PPA1: variants seen among roughly 807,000 people sequenced by gnomAD.
The protein encoded by PPA1 is inorganic pyrophosphatase 1.
In PPA1, 23 loss-of-function variants were observed where a neutral mutation model predicts 41.8. The observed-to-expected ratio is 0.55, with a 90% confidence interval of 0.40 to 0.78. The LOEUF (loss-of-function observed/expected upper bound fraction) is 0.78, where lower values mean the gene tolerates loss of function less well. Ranked by LOEUF, PPA1 falls within the 30% of genes least tolerant of loss-of-function variation. PPA1 has a pLI of 0.00. For synonymous variants in PPA1, 101 were observed against 116.8 expected, an observed-to-expected ratio of 0.86 and a Z score of 0.87; for missense variants, 320 against 361.6, an observed-to-expected ratio of 0.89 and a Z score of 0.93.
intron 6 of PPA1, among the ~76,000 whole-genome samples, 185 bp downstream of exon 6, chr10:70,213,278 A>C (rs1840042925): frequency 6.6e-6 from 1 of 152,190 alleles, no homozygotes; most frequent in Admixed American, 6.6e-5. Flanking sequence ...TCTTTCCTGG[A>C]ATGAAGGAGA....
At chr10:70,221,030 ATATATATAAAT>A (rs1840154435) in intron 2 of PPA1, among the ~76,000 whole-genome samples, 2 of 75,106 alleles carry the variant, frequency 2.7e-5, no homozygotes, top group Non-Finnish European at 4.4e-5. Flanking sequence ...TATATATAAT[ATATATATAAAT>A]TATATATATA....
rs1256850473 is a variant in PPA1, at chr10:70,209,297, T to C, written c.640-7A>G. The C allele has an allele frequency of 3.2e-6, 5 of 1,550,346 alleles. No homozygotes were observed. The highest frequency in any genetic ancestry group is 4.4e-6 in the Non-Finnish European group (5 of 1,126,074). On this transcript the variant is annotated splice_region_variant and splice_polypyrimidine_tract_variant and intron_variant, in intron 7 of 10. Coordinates refer to ENST00000373232, the MANE Select transcript of PPA1 (RefSeq NM_021129.4). ...TAATATCAATGGCAAAGTCCTATAA[T>C]TTGAAGAGGTTTGCATTACAATGAT... is the stretch of plus-strand genomic sequence containing the variant.
chr10:70,221,690 G>A (rs1840171318), intron 2 of PPA1, among the ~76,000 whole-genome samples: 1 of 152,132 alleles, frequency 6.6e-6, no homozygotes, highest in African/African-American at 2.4e-5. Flanking sequence ...TCCAGCAGCA[G>A]TACCCTAAAG....
intron 2 of PPA1, among the ~76,000 whole-genome samples, chr10:70,220,870 TAATATATACTTTATATATAC>T (rs1182405238): frequency 4.4e-5 from 2 of 45,630 alleles, no homozygotes; most frequent in African/African-American, 1.9e-4. Context: ...CTTATATATA[TAATATATACTTTATATATAC>T]TATATATATA....
chr10:70,231,007 G>A (rs527307986), intron 1 of PPA1, among the ~76,000 whole-genome samples: 1 of 152,284 alleles, frequency 6.6e-6, no homozygotes, highest in South Asian at 2.1e-4. Flanking sequence ...CCATTATGAA[G>A]TACTTGGGAG....
chr10:70,220,675 A>G (rs1314121578), intron 2 of PPA1, among the ~76,000 whole-genome samples: 1 of 7,234 alleles, frequency 1.4e-4, no homozygotes, highest in Non-Finnish European at 1.8e-4. Flanking sequence ...TAATTTATAT[A>G]TATATAATAT....
At chr10:70,204,793 G>A (rs10999182) in intron 10 of PPA1, 80 bp downstream of exon 10, 75,614 of 1,128,356 alleles carry the variant, frequency 0.067, 3,761 homozygotes, top group East Asian at 0.21. Context: ...ATTATCATTT[G>A]TCAACTAAAA....
chr10:70,218,012 G>T, intron 3 of PPA1, 81 bp from the exon 4 acceptor site: 1 of 1,250,512 alleles, frequency 8.0e-7, no homozygotes. Flanking sequence ...ATGAATTATG[G>T]TACCTATGTT....
chr10:70,218,730 C>T lies in PPA1; in HGVS notation c.177+34G>A, dbSNP rs369035837. On this transcript the variant is annotated intron_variant, in intron 3 of 10. Transcript: ENST00000373232. The stretch of plus-strand genomic sequence containing the variant: ...GTGTGACTAGATCAAAACCAATATC[C>T]TAAGTCTGACTCAAATGTAAGGTGA... 1.5e-4 allele frequency: 238 copies of T among 1,549,030 alleles called. 1 individual carries two copies. Among genetic ancestry groups the T allele is most frequent in the Admixed American group, 1.0e-3 (62 of 59,670 alleles).
intron 2 of PPA1, among the ~76,000 whole-genome samples, chr10:70,221,778 C>T (rs1840172762): frequency 6.6e-6 from 1 of 152,268 alleles, no homozygotes; most frequent in South Asian, 2.1e-4. Flanking sequence ...TTCGTTAAAA[C>T]ACCACCAAAT....
chr10:70,213,448 T>C lies in PPA1; in HGVS notation c.511+15A>G. 1.9e-6 allele frequency: 3 copies of C among 1,613,438 alleles called. No individual in the cohort carries two copies. Among genetic ancestry groups the C allele is most frequent in the Non-Finnish European group, 2.5e-6 (3 of 1,179,632 alleles). On this transcript the variant is annotated intron_variant, in intron 6 of 10. Coordinates refer to ENST00000373232, the MANE Select transcript of PPA1 (RefSeq NM_021129.4). Reference sequence around the variant, plus strand: ...AATTAATTAGAAAGACTTCAGACTTTTCAAATTTTCTTACCATTATAATTG... The same window carrying C: ...AATTAATTAGAAAGACTTCAGACTTCTCAAATTTTCTTACCATTATAATTG...
At chr10:70,226,174 A>G (rs545630100) in intron 2 of PPA1, among the ~76,000 whole-genome samples, 2 of 152,358 alleles carry the variant, frequency 1.3e-5, no homozygotes, top group East Asian at 1.9e-4. Context: ...TTCCAGTTAC[A>G]TAGATTTTCT....
At chr10:70,205,299 C>G (rs1839925311) in intron 9 of PPA1, 1 of 152,908 alleles carries the variant, frequency 6.5e-6, no homozygotes, top group African/African-American at 2.4e-5. Context: ...CCGCTTGAAC[C>G]TGGGAGGCGG....
intron 8 of PPA1, among the ~76,000 whole-genome samples, chr10:70,207,006 CA>C (rs200806938): frequency 2.0e-5 from 3 of 149,058 alleles, no homozygotes; most frequent in Admixed American, 6.7e-5. Flanking sequence ...AATAATGAAA[CA>C]AAAAAAAACC....
At chr10:70,229,293 T>C (rs1840263159) in intron 2 of PPA1, among the ~76,000 whole-genome samples, 3 of 152,162 alleles carry the variant, frequency 2.0e-5, no homozygotes, top group Admixed American at 2.0e-4. Context: ...TTGATATATA[T>C]TTTATTGTTA....
Position 70,211,150 on chromosome 10 carries a change from C to T in PPA1, c.512-1465G>A, listed in dbSNP as rs116401795. Among the ~76,000 whole-genome samples, 1,261 of 152,308 alleles carry T rather than the reference C, an allele frequency of 8.3e-3. 21 individuals carry two copies. Among genetic ancestry groups the T allele is most frequent in the African/African-American group, 0.029 (1,211 of 41,556 alleles). ...AAAAGTATGGAAACTTTACAGAATG[C>T]ACTGGGAAATGTTTAAGCACTAGTA... On this transcript the variant is annotated intron_variant, in intron 6 of 10. Coordinates refer to ENST00000373232, the MANE Select transcript of PPA1 (RefSeq NM_021129.4).
intron 8 of PPA1, among the ~76,000 whole-genome samples, chr10:70,206,929 C>T (rs762518408): frequency 8.9e-4 from 114 of 127,702 alleles, no homozygotes; most frequent in Non-Finnish European, 1.5e-3. Context: ...AGATTGAATG[C>T]TTTGTAATTC....
intron 5 of PPA1, 62 bp downstream of exon 5, chr10:70,214,438 T>G: frequency 3.4e-5 from 45 of 1,342,624 alleles, no homozygotes; most frequent in Middle Eastern, 2.5e-4. Context: ...TTTTAAAGTA[T>G]GAAATTTGGT....
intron 2 of PPA1, among the ~76,000 whole-genome samples, chr10:70,220,669 TTATA>T (rs1198765909): frequency 3.1e-4 from 1 of 3,274 alleles, no homozygotes. Flanking sequence ...TATATATAAT[TTATA>T]TATATATAAT....
Sources: allele counts gnomAD v4.1 joint callset (sites outside exome capture counted in the v4.1 genomes callset), GRCh38; gene constraint gnomAD v4.1.1; transcripts MANE v1.5; gene names NCBI Gene and HGNC (gene_info 2026-07-23, HGNC 2026-07-21).